SUPT3H: variants seen among roughly 807,000 people sequenced by gnomAD.
SUPT3H encodes the protein transcription initiation protein SPT3 homolog.
SUPT3H carries 44 observed loss-of-function variants against 44.3 expected under a neutral mutation model. That is an observed-to-expected ratio of 0.99 (90% confidence interval 0.78 to 1.28). The LOEUF is 1.28. Among genes scored for constraint, SUPT3H ranks in the 50% most tolerant of loss-of-function variants. The probability of loss-of-function intolerance (pLI) is 0.00; values close to 1 mark genes in which losing one functional copy is unlikely to be tolerated. For synonymous variants in SUPT3H, 124 were observed against 125.6 expected, an observed-to-expected ratio of 0.99 and a Z score of 0.09; for missense variants, 380 against 387.1, an observed-to-expected ratio of 0.98 and a Z score of 0.15.
chr6:45,328,838 G>C (rs1168554809), intron 2 of SUPT3H: 3 of 1,559,710 alleles, frequency 1.9e-6, no homozygotes, highest in East Asian at 4.5e-5. Flanking sequence ...TAAACATAAA[G>C]GTATGATTCT....
intron 10 of SUPT3H, among the ~76,000 whole-genome samples, chr6:44,916,111 A>G (rs1295344297): frequency 6.6e-6 from 1 of 152,230 alleles, no homozygotes; most frequent in Non-Finnish European, 1.5e-5. Flanking sequence ...GTACAAAGAC[A>G]TATTTTAAGA....
At chr6:45,144,958 T>C (rs1805803270) in intron 2 of SUPT3H, among the ~76,000 whole-genome samples, 1 of 152,094 alleles carries the variant, frequency 6.6e-6, no homozygotes, top group South Asian at 2.1e-4. Context: ...GGAATATACC[T>C]AACCAAGGAG....
chr6:45,199,362 T>C (rs571073656), intron 2 of SUPT3H, among the ~76,000 whole-genome samples: 11 of 151,312 alleles, frequency 7.3e-5, no homozygotes, highest in African/African-American at 2.7e-4. Flanking sequence ...TCTGGTCATC[T>C]GAGGAATTAC....
At chr6:44,923,851 A>G (rs1769111175) in intron 10 of SUPT3H, among the ~76,000 whole-genome samples, 1 of 152,116 alleles carries the variant, frequency 6.6e-6, no homozygotes, top group African/African-American at 2.4e-5. Context: ...AAAAACAATA[A>G]ACAATTTTAT....
chr6:45,013,568 T>C (rs2153513279), intron 5 of SUPT3H, among the ~76,000 whole-genome samples: 1 of 152,188 alleles, frequency 6.6e-6, no homozygotes, highest in South Asian at 2.1e-4. Flanking sequence ...TATTCTGGTA[T>C]GTAGCTTTGC....
At chr6:45,211,148 C>G (rs1764018482) in intron 2 of SUPT3H, among the ~76,000 whole-genome samples, 1 of 152,102 alleles carries the variant, frequency 6.6e-6, no homozygotes, top group African/African-American at 2.4e-5. Flanking sequence ...CCCAACATAA[C>G]TGTCTTTGAA....
At chr6:45,224,877 A>G (rs985648368) in intron 2 of SUPT3H, among the ~76,000 whole-genome samples, 1 of 152,128 alleles carries the variant, frequency 6.6e-6, no homozygotes, top group Non-Finnish European at 1.5e-5. Flanking sequence ...TTATTATAAT[A>G]TCTATCATTG....
chr6:45,321,548 T>C (rs1562950183), intron 2 of SUPT3H, among the ~76,000 whole-genome samples: 1 of 152,178 alleles, frequency 6.6e-6, no homozygotes, highest in East Asian at 1.9e-4. Flanking sequence ...CACATCTAAC[T>C]TAATACATAT....
At chr6:45,213,148 AAGTTCCCTCATGATTCATTT>A in intron 2 of SUPT3H, among the ~76,000 whole-genome samples, 1 of 152,186 alleles carries the variant, frequency 6.6e-6, no homozygotes, top group South Asian at 2.1e-4. Flanking sequence ...ACATGAGTCT[AAGTTCCCTCATGATTCATTT>A]AGCTTGAGCT....
intron 2 of SUPT3H, among the ~76,000 whole-genome samples, chr6:45,355,061 A>G (rs1397654894): frequency 1.3e-5 from 2 of 151,912 alleles, no homozygotes; most frequent in African/African-American, 4.8e-5. Flanking sequence ...TGCAGACTCA[A>G]CCACTTGGGC....
chr6:45,020,704 A>G (rs1344439149), intron 3 of SUPT3H, 72 bp from the exon 4 acceptor site: 2 of 1,060,614 alleles, frequency 1.9e-6, no homozygotes, highest in Non-Finnish European at 2.8e-6. Context: ...TGATGTCTCT[A>G]AAGAGATAAA....
intron 3 of SUPT3H, among the ~76,000 whole-genome samples, chr6:45,022,427 T>A (rs1785284636): frequency 1.3e-5 from 2 of 151,948 alleles, no homozygotes; most frequent in African/African-American, 2.4e-5. Flanking sequence ...TTTTTTTTTT[T>A]TTTTTTATTT....
At chr6:44,881,631 A>T (rs1778238294) in intron 10 of SUPT3H, among the ~76,000 whole-genome samples, 1 of 152,168 alleles carries the variant, frequency 6.6e-6, no homozygotes, top group South Asian at 2.1e-4. Context: ...TGATCACATT[A>T]TTGGAAGTCA....
At chr6:45,298,191 GATT>G (rs1394917066) in intron 2 of SUPT3H, among the ~76,000 whole-genome samples, 2 of 152,172 alleles carry the variant, frequency 1.3e-5, no homozygotes, top group African/African-American at 4.8e-5. Context: ...GAGACAGGAA[GATT>G]ATTATAGACC....
At chr6:44,897,336 T>C (rs1278021982) in intron 10 of SUPT3H, among the ~76,000 whole-genome samples, 2 of 152,216 alleles carry the variant, frequency 1.3e-5, no homozygotes, top group South Asian at 2.1e-4. Context: ...AGTCATCCTA[T>C]AGAAATCTAA....
chr6:44,833,548 T>A (rs1356434412), intron 10 of SUPT3H, among the ~76,000 whole-genome samples: 1 of 151,598 alleles, frequency 6.6e-6, no homozygotes, highest in African/African-American at 2.4e-5. Flanking sequence ...AATTTGAACT[T>A]ACTTACACTT....
At chr6:45,319,420 T>G (rs1317323369) in intron 2 of SUPT3H, among the ~76,000 whole-genome samples, 1 of 152,096 alleles carries the variant, frequency 6.6e-6, no homozygotes, top group East Asian at 1.9e-4. Flanking sequence ...ATAATTAGAA[T>G]TGCTTAAAAT....
intron 6 of SUPT3H, among the ~76,000 whole-genome samples, chr6:44,982,294 G>C (rs1436002542): frequency 6.6e-6 from 1 of 152,074 alleles, no homozygotes; most frequent in Non-Finnish European, 1.5e-5. Context: ...CACAATATCA[G>C]CTCACTGCAA....
chr6:45,268,110 A>G (rs908491614), intron 2 of SUPT3H, among the ~76,000 whole-genome samples: 1 of 152,336 alleles, frequency 6.6e-6, no homozygotes, highest in South Asian at 2.1e-4. Flanking sequence ...AACAAATGAA[A>G]TCATTAAGGT....
Sources: allele counts gnomAD v4.1 joint callset (sites outside exome capture counted in the v4.1 genomes callset), GRCh38; gene constraint gnomAD v4.1.1; transcripts MANE v1.5; gene names NCBI Gene and HGNC (gene_info 2026-07-23, HGNC 2026-07-21).